CCDC191: variants seen among roughly 807,000 people sequenced by gnomAD.
CCDC191 encodes coiled-coil domain containing 191.
CCDC191 carries 99 observed loss-of-function variants against 114.0 expected under a neutral mutation model. The observed-to-expected ratio is 0.87, with a 90% CI of 0.74 to 1.03. CCDC191 has a LOEUF of 1.03. Among genes scored for constraint, CCDC191 ranks in the 50% least tolerant of loss-of-function variants. CCDC191 has a pLI of 0.00. For missense variants in CCDC191, 973 were observed against 1,087.0 expected, an observed-to-expected ratio of 0.90 and a Z score of 1.47; for synonymous variants, 351 against 376.0, an observed-to-expected ratio of 0.93 and a Z score of 0.77.
intron 6 of CCDC191, among the ~76,000 whole-genome samples, chr3:114,032,171 C>T (rs2076415391): frequency 6.6e-6 from 1 of 151,746 alleles, no homozygotes; most frequent in Admixed American, 6.6e-5. Flanking sequence ...GAGATTCTTA[C>T]TAAAAGGCCT....
At chr3:114,013,698 A>C (rs1169066490) in intron 8 of CCDC191, among the ~76,000 whole-genome samples, 2 of 152,212 alleles carry the variant, frequency 1.3e-5, no homozygotes, top group Non-Finnish European at 1.5e-5. Context: ...CATGCAGAGA[A>C]AGGCAGGCTC....
chr3:114,042,482 A>G (rs1439515317), intron 4 of CCDC191, among the ~76,000 whole-genome samples: 1 of 152,186 alleles, frequency 6.6e-6, no homozygotes. Context: ...TTAGTTAGGG[A>G]TAACTGTAAT....
intron 16 of CCDC191, among the ~76,000 whole-genome samples, chr3:113,969,927 A>G (rs949234500): frequency 6.6e-6 from 1 of 152,140 alleles, no homozygotes; most frequent in African/African-American, 2.4e-5. Context: ...GAATCTGTAA[A>G]TTGCTTTGGG....
intron 11 of CCDC191, 61 bp downstream of exon 11, chr3:114,004,576 A>T: frequency 1.3e-6 from 2 of 1,578,762 alleles, no homozygotes; most frequent in Non-Finnish European, 1.7e-6. Flanking sequence ...GTCCCAGTGT[A>T]CACATTCTAC....
chr3:113,971,720 G>GTT (rs201535286), intron 16 of CCDC191, among the ~76,000 whole-genome samples: 1 of 151,106 alleles, frequency 6.6e-6, no homozygotes, highest in African/African-American at 2.4e-5. Context: ...CTCCTCTTCA[G>GTT]TTTTTTTTTG....
Position 114,031,780 on chromosome 3 carries a change from CTATT to C in CCDC191, c.819-5_819-2del. ...ATTCTCTTCTTGCCTTTTCTTCTCTCTATTAATAACAATTTAAAAATACATGTAT... is the reference window on the plus strand; with the variant it reads ...ATTCTCTTCTTGCCTTTTCTTCTCTCAATAACAATTTAAAAATACATGTAT... On this transcript the variant is annotated splice_acceptor_variant and splice_polypyrimidine_tract_variant and intron_variant, in intron 6 of 16. Transcript: ENST00000295878. LOFTEE classifies it high-confidence loss of function. The C allele has an allele frequency of 7.9e-7, 1 of 1,261,398 alleles. No individual in the cohort carries two copies. Among genetic ancestry groups the C allele is most frequent in the East Asian group, 2.4e-5 (1 of 41,688 alleles). The allele number at this position is 1,261,398 out of a possible 1,614,324, so 78.1% of individuals were successfully genotyped here.
intron 6 of CCDC191, among the ~76,000 whole-genome samples, chr3:114,032,499 A>G (rs73232536): frequency 1.1e-3 from 169 of 152,284 alleles, no homozygotes; most frequent in Non-Finnish European, 1.9e-3. Flanking sequence ...ATGTGTATAA[A>G]GTATATATTA....
chr3:113,982,957 C>A (rs2075220747), intron 13 of CCDC191, among the ~76,000 whole-genome samples: 2 of 152,056 alleles, frequency 1.3e-5, no homozygotes, highest in Admixed American at 6.5e-5. Flanking sequence ...ACATCTATCT[C>A]TGATCTCAGG....
intron 6 of CCDC191, 82 bp downstream of exon 6, chr3:114,034,843 T>G (rs1439975534): frequency 9.2e-7 from 1 of 1,087,518 alleles, no homozygotes; most frequent in African/African-American, 1.6e-5. Context: ...ATTGAATGTT[T>G]GTGCACTTCA....
At chr3:114,028,575 G>A (rs920223151) in intron 7 of CCDC191, among the ~76,000 whole-genome samples, 4 of 151,756 alleles carry the variant, frequency 2.6e-5, no homozygotes, top group African/African-American at 4.8e-5. Context: ...TTGAGCCACC[G>A]TGCCCGGCCT....
At chr3:113,999,691 G>T (rs1272755065) in intron 13 of CCDC191, among the ~76,000 whole-genome samples, 1 of 152,082 alleles carries the variant, frequency 6.6e-6, no homozygotes, top group Non-Finnish European at 1.5e-5. Flanking sequence ...TACCAGTTAC[G>T]ACCATGTAAC....
intron 3 of CCDC191, among the ~76,000 whole-genome samples, chr3:114,045,970 G>A (rs2076624109): frequency 1.3e-5 from 2 of 152,208 alleles, no homozygotes; most frequent in African/African-American, 4.8e-5. Flanking sequence ...ACCTAGCACA[G>A]AGTATATGTG....
chr3:114,018,542 G>T, intron 8 of CCDC191, 136 bp downstream of exon 8: 5 of 711,684 alleles, frequency 7.0e-6, no homozygotes, highest in South Asian at 2.6e-5. Context: ...ATGTAACATA[G>T]AAAAACTGTG....
intron 13 of CCDC191, among the ~76,000 whole-genome samples, chr3:113,990,638 G>A (rs1192954674): frequency 2.6e-5 from 4 of 150,970 alleles, no homozygotes; most frequent in Non-Finnish European, 5.9e-5. Context: ...AATAAAAAAA[G>A]AAAACTCCAG....
chr3:113,988,773 T>G (rs1182961748), intron 13 of CCDC191, among the ~76,000 whole-genome samples: 1 of 152,028 alleles, frequency 6.6e-6, no homozygotes, highest in Non-Finnish European at 1.5e-5. Flanking sequence ...CTATAAGACA[T>G]TCAATTTTAT....
At chr3:113,990,892 G>GT (rs1459947612) in intron 13 of CCDC191, among the ~76,000 whole-genome samples, 1 of 120,534 alleles carries the variant, frequency 8.3e-6, no homozygotes, top group Non-Finnish European at 1.6e-5. Flanking sequence ...GAACCCAAGT[G>GT]TTTAAGACTA....
chr3:113,965,237 A>C lies in CCDC191; in HGVS notation c.2729T>G (p.Phe910Cys). 6.2e-7 allele frequency: 1 copy of C among 1,612,112 alleles called. No individual in the cohort carries two copies. The highest frequency in any genetic ancestry group is 8.5e-7 in the Non-Finnish European group (1 of 1,179,092). Residue 910 changes from phenylalanine (F) to cysteine (C), a missense_variant, in exon 17 of 17, where the codon TTC (phenylalanine) becomes TGC (cysteine). Phe to Cys is a radical substitution (Grantham distance 205, BLOSUM62 -2). Coordinates refer to ENST00000295878, the MANE Select transcript of CCDC191 (RefSeq NM_020817.2). ...CTCGTGGTACCTTCCAGGTACCTGGAAGTCTGGAAGAATTTCAACTACCTT... is the reference window on the plus strand; with the variant it reads ...CTCGTGGTACCTTCCAGGTACCTGGCAGTCTGGAAGAATTTCAACTACCTT... Reference protein sequence around the residue: ...RRKVVEILPDFQVPGRYHELY... With the variant: ...RRKVVEILPDCQVPGRYHELY...
chr3:114,014,593 C>G (rs2076127808), intron 8 of CCDC191, among the ~76,000 whole-genome samples: 1 of 152,210 alleles, frequency 6.6e-6, no homozygotes, highest in Non-Finnish European at 1.5e-5. Context: ...CTACGCAAGA[C>G]TGCCTATGTA....
At position 114,001,731 on chromosome 3, in the gene CCDC191, C is replaced by T. The variant is rs774345480; in HGVS notation, c.2062-35G>A. The T allele has an allele frequency of 5.6e-6, 9 of 1,611,298 alleles. No homozygotes were observed. In the East Asian group the frequency reaches 2.0e-4, roughly 36 times the overall value. The stretch of plus-strand genomic sequence containing the variant: ...ATTAGAACCCAGAAATATCAGAACC[C>T]TCAATTTGAACAGAAATGTGATCTT... On this transcript the variant is annotated intron_variant, in intron 12 of 16. Transcript: ENST00000295878.
Sources: allele counts gnomAD v4.1 joint callset (sites outside exome capture counted in the v4.1 genomes callset), GRCh38; gene constraint gnomAD v4.1.1; transcripts MANE v1.5; gene names NCBI Gene and HGNC (gene_info 2026-07-23, HGNC 2026-07-21).